Variants in NRG1 observed in about 807,000 individuals in gnomAD.
NRG1 encodes the protein pro-neuregulin-1, membrane-bound isoform.
Under a neutral mutation model 63.8 loss-of-function variants are expected in NRG1, and 18 were observed. The ratio of observed to expected loss-of-function variants is 0.28; its 90% CI spans 0.19 to 0.42. The LOEUF (loss-of-function observed/expected upper bound fraction) is 0.42. Among genes scored for constraint, NRG1 ranks in the 10% least tolerant of loss-of-function variants. The probability of loss-of-function intolerance (pLI) is 1.00; values close to 1 mark genes in which losing one functional copy is unlikely to be tolerated. For synonymous variants in NRG1, 302 were observed against 301.3 expected (o/e 1.00, Z -0.02); for missense variants, 762 against 814.7 (o/e 0.94, Z 0.79).
chr8:31,702,276 C>T (rs1810701020), intron 1 of NRG1, among the ~76,000 whole-genome samples: 1 of 152,094 alleles, frequency 6.6e-6, no homozygotes, highest in Non-Finnish European at 1.5e-5. Flanking sequence ...ATTATGATAA[C>T]CCTGATACTT....
At chr8:32,277,466 C>T (rs920486089) in intron 1 of NRG1, among the ~76,000 whole-genome samples, 1 of 152,176 alleles carries the variant, frequency 6.6e-6, no homozygotes, top group African/African-American at 2.4e-5. Context: ...TTTACCTAAA[C>T]AAAGTCTTGT....
intron 1 of NRG1, among the ~76,000 whole-genome samples, chr8:32,099,203 A>T (rs2131341022): frequency 6.6e-6 from 1 of 152,262 alleles, no homozygotes; most frequent in South Asian, 2.1e-4. Context: ...GATAATGCCA[A>T]AGTTGTAGTA....
rs1189873719 is a variant in NRG1 at position 31,780,473 on chromosome 8, CT to C, written c.37+141043del. On this transcript the variant is annotated intron_variant, in intron 1 of 10. Coordinates refer to the NRG1 transcript ENST00000519301. ...TGGAACAGATGGATTGAATGATTCC[CT>C]AGAATTATTCACTGACATTATAAGG... Among the ~76,000 whole-genome samples, 19 of 152,242 alleles carry C rather than the reference CT, an allele frequency of 1.2e-4. 1 individual carries two copies. The highest frequency in any genetic ancestry group is 1.2e-3 in the Admixed American group (19 of 15,292).
chr8:32,412,463 T>TATATATATATATATAC (rs1563428983), intron 1 of NRG1, among the ~76,000 whole-genome samples: 2 of 115,238 alleles, frequency 1.7e-5, no homozygotes, highest in Admixed American at 1.8e-4. Context: ...CATATATATA[T>TATATATATATATATAC]ATATATATAT....
At chr8:31,843,710 G>C (rs1826408753) in intron 1 of NRG1, among the ~76,000 whole-genome samples, 1 of 152,144 alleles carries the variant, frequency 6.6e-6, no homozygotes, top group Non-Finnish European at 1.5e-5. Context: ...CGAATCCCCA[G>C]TCACTCTGCT....
At chr8:31,756,022 C>G (rs1816932399) in intron 1 of NRG1, among the ~76,000 whole-genome samples, 1 of 152,078 alleles carries the variant, frequency 6.6e-6, no homozygotes, top group South Asian at 2.1e-4. Flanking sequence ...CTACATACCC[C>G]TCTGTTTGAT....
intron 1 of NRG1, among the ~76,000 whole-genome samples, chr8:32,486,996 C>G (rs965661380): frequency 2.6e-5 from 4 of 152,064 alleles, no homozygotes; most frequent in African/African-American, 9.7e-5. Context: ...TAGCAGGTGT[C>G]TGATACATGT....
chr8:32,114,477 G>T (rs181547201), intron 1 of NRG1, among the ~76,000 whole-genome samples: 140 of 152,208 alleles, frequency 9.2e-4, no homozygotes, highest in Non-Finnish European at 1.6e-3. Context: ...ATGTTTATCA[G>T]CCTTTCAGCA....
intron 1 of NRG1, among the ~76,000 whole-genome samples, chr8:32,569,783 A>C (rs1838157984): frequency 6.6e-6 from 1 of 152,086 alleles, no homozygotes; most frequent in Non-Finnish European, 1.5e-5. Flanking sequence ...ATCATACACA[A>C]GTAAAACATT....
At chr8:32,260,948 T>C (rs1324155724) in intron 1 of NRG1, among the ~76,000 whole-genome samples, 1 of 152,220 alleles carries the variant, frequency 6.6e-6, no homozygotes, top group Admixed American at 6.5e-5. Context: ...AAACACTTAA[T>C]GCTTATTGGC....
intron 6 of NRG1, among the ~76,000 whole-genome samples, chr8:32,740,430 G>T (rs1826046389): frequency 2.0e-5 from 3 of 151,936 alleles, no homozygotes; most frequent in Admixed American, 6.6e-5. Context: ...ACCTGACCTT[G>T]TTGTGATCTT....
intron 1 of NRG1, among the ~76,000 whole-genome samples, chr8:31,918,702 T>G (rs1422853160): frequency 2.0e-5 from 3 of 152,218 alleles, no homozygotes; most frequent in African/African-American, 7.2e-5. Flanking sequence ...GGTATCAGGA[T>G]GATGTTGGCC....
At chr8:32,113,241 G>A (rs996039946) in intron 1 of NRG1, among the ~76,000 whole-genome samples, 2 of 152,198 alleles carry the variant, frequency 1.3e-5, no homozygotes, top group Admixed American at 6.5e-5. Flanking sequence ...GAAGGCAGTA[G>A]TAGGAGACTG....
intron 1 of NRG1, among the ~76,000 whole-genome samples, chr8:31,853,338 G>T (rs534425199): frequency 6.6e-6 from 1 of 151,092 alleles, no homozygotes; most frequent in South Asian, 2.1e-4. Flanking sequence ...TCCCTTGTAA[G>T]TTGGATTCCT....
At chr8:32,705,056 A>G (rs1274489520) in intron 5 of NRG1, among the ~76,000 whole-genome samples, 1 of 152,210 alleles carries the variant, frequency 6.6e-6, no homozygotes, top group Non-Finnish European at 1.5e-5. Context: ...TTTGGTAGCC[A>G]CTTGAATTTT....
chr8:32,370,806 C>G (rs1215754175), intron 1 of NRG1, among the ~76,000 whole-genome samples: 2 of 118,836 alleles, frequency 1.7e-5, no homozygotes, highest in African/African-American at 6.5e-5. Context: ...TGCAGTGAGC[C>G]AAGATCTCAC....
chr8:31,798,859 T>C (rs1167709068), intron 1 of NRG1, among the ~76,000 whole-genome samples: 6 of 152,060 alleles, frequency 3.9e-5, no homozygotes, highest in Non-Finnish European at 8.8e-5. Flanking sequence ...TTAATATTCC[T>C]TTACTTCCTC....
intron 1 of NRG1, among the ~76,000 whole-genome samples, chr8:32,539,337 A>G (rs3934586): frequency 0.76 from 115,064 of 152,058 alleles, 43,710 homozygotes; most frequent in East Asian, 0.84. Context: ...CTGACGCTGC[A>G]TAAGAAGAGA....
intron 1 of NRG1, among the ~76,000 whole-genome samples, chr8:32,594,555 T>A (rs1432683373): frequency 6.6e-6 from 1 of 152,222 alleles, no homozygotes; most frequent in African/African-American, 2.4e-5. Context: ...TTTCCACAGT[T>A]ATCAGCTTCT....
Sources: gnomAD v4.1 joint callset for allele counts (sites outside exome capture counted in the v4.1 genomes callset) on GRCh38, gnomAD v4.1.1 for gene constraint, MANE v1.5 for transcripts, NCBI Gene and HGNC (gene_info 2026-07-23, HGNC 2026-07-21) for gene names.